Variants in ZNF701 observed in about 807,000 individuals in gnomAD.
The protein encoded by ZNF701 is zinc finger protein 701.
Under a neutral mutation model 7.1 loss-of-function variants are expected in ZNF701, and 6 were observed. That is an observed-to-expected ratio of 0.84 (90% CI 0.46 to 1.66). ZNF701 has a LOEUF of 1.66. Among genes scored for constraint, ZNF701 ranks in the 40% most tolerant of loss-of-function variants. ZNF701 has a pLI of 0.01. For missense variants in ZNF701, 541 were observed against 559.2 expected (o/e 0.97, Z 0.33); for synonymous variants, 166 against 188.2 (o/e 0.88, Z 0.97).
At chr19:52,589,670 G>A (rs185918770), downstream of ZNF701, among the ~76,000 whole-genome samples, 125 of 152,164 alleles carry the variant, frequency 8.2e-4, no homozygotes, top group Non-Finnish European at 1.1e-3. Context: ...AAGAGAGATG[G>A]TGTTTCACCA....
chr19:52,573,843 G>C (rs554001407), intron 1 of ZNF701, among the ~76,000 whole-genome samples: 11 of 152,338 alleles, frequency 7.2e-5, no homozygotes, highest in Admixed American at 2.6e-4. Context: ...TCAGGGCTGG[G>C]TCTGTGCCCT....
Position 52,583,896 on chromosome 19 carries a change from T to A in ZNF701, c.*439T>A, listed in dbSNP as rs111274688. 0.17 allele frequency: 71,147 copies of A among 427,766 alleles called. 6,457 individuals carry two copies. The highest frequency in any genetic ancestry group is 0.24 in the Middle Eastern group (660 of 2,750). 26.5% of individuals were successfully genotyped at this position (427,766 alleles called of 1,614,324 possible). On this transcript the variant is annotated 3_prime_UTR_variant, in exon 4 of 4. Coordinates refer to ENST00000391785, the MANE Select transcript of ZNF701 (RefSeq NM_018260.3). Reference sequence around the variant, plus strand: ...TACAAGTGTAATAAATGTGGCAAGTTTTTCAGACATCATTCATAACTTGCA... The same window carrying A: ...TACAAGTGTAATAAATGTGGCAAGTATTTCAGACATCATTCATAACTTGCA...
chr19:52,576,098 C>G, intron 3 of ZNF701, 77 bp downstream of exon 3: 1 of 1,606,086 alleles, frequency 6.2e-7, no homozygotes, highest in Admixed American at 1.7e-5. Context: ...CTCTTGGGAG[C>G]CACATCCTTG....
chr19:52,571,606 C>T (rs537763971), intron 1 of ZNF701, among the ~76,000 whole-genome samples: 25 of 152,094 alleles, frequency 1.6e-4, no homozygotes, highest in Non-Finnish European at 2.5e-4. Flanking sequence ...GTGATCCACC[C>T]GCCTCGACCT....
Position 52,586,629 on chromosome 19 carries a change from C to T in ZNF701, c.*3172C>T, listed in dbSNP as rs948644901. On this transcript the variant is annotated 3_prime_UTR_variant, in exon 4 of 4. Coordinates refer to ENST00000391785, the MANE Select transcript of ZNF701 (RefSeq NM_018260.3). ...CTGGCCATCACATGAAAATCAGCGA[C>T]TCTTCCTTCTTACAAAACTCGGAGC... 1.3e-5 allele frequency: 2 copies of T among 152,150 alleles called. No individual in the cohort carries two copies. Among genetic ancestry groups the T allele is most frequent in the Middle Eastern group, 3.2e-3 (1 of 316 alleles). The allele number at this position is 152,150 out of a possible 1,614,324, so 9.4% of individuals were successfully genotyped here. A position where few individuals can be genotyped will look rare whatever the true frequency, so the allele number is the denominator to read the frequency against.
chr19:52,588,372 G>C (rs2060023502), downstream of ZNF701: 1 of 154,680 alleles, frequency 6.5e-6, no homozygotes, highest in African/African-American at 2.4e-5. Flanking sequence ...TGTAATCCCA[G>C]CTACTTAAGA....
At chr19:52,597,100 A>G in the ZNF701 span, 1 of 1,083,074 alleles carries the variant, frequency 9.2e-7, no homozygotes, top group Non-Finnish European at 1.4e-6. Context: ...AAGTGTAATA[A>G]ATGTGGTAAA....
chr19:52,595,567 G>A, the ZNF701 span: 4 of 796,496 alleles, frequency 5.0e-6, no homozygotes, highest in African/African-American at 1.7e-5. Context: ...ACTGCACCTG[G>A]CCTACCATCT....
At chr19:52,581,910 A>G (rs1691330694) in intron 3 of ZNF701, among the ~76,000 whole-genome samples, 1 of 152,092 alleles carries the variant, frequency 6.6e-6, no homozygotes, top group African/African-American at 2.4e-5. Flanking sequence ...GCAAAGTGTG[A>G]TACACTTTAG....
the ZNF701 span, chr19:52,592,243 C>T: frequency 6.4e-7 from 1 of 1,569,050 alleles, no homozygotes; most frequent in South Asian, 1.1e-5. Context: ...GGAAAATATC[C>T]CTCCAGACAT....
chr19:52,597,371 T>A, the ZNF701 span: 1 of 538,458 alleles, frequency 1.9e-6, no homozygotes, highest in Non-Finnish European at 3.8e-6. Flanking sequence ...AGGTCTTCAG[T>A]CTGTGGGCAC....
At chr19:52,587,527 C>A (rs576281833), downstream of ZNF701, among the ~76,000 whole-genome samples, 79 of 152,274 alleles carry the variant, frequency 5.2e-4, no homozygotes, top group African/African-American at 1.9e-3. Flanking sequence ...TCTATGGAAA[C>A]CTTTGTGATC....
chr19:52,575,354 A>G (rs983458941), intron 2 of ZNF701, among the ~76,000 whole-genome samples: 9 of 126,438 alleles, frequency 7.1e-5, no homozygotes, highest in African/African-American at 2.5e-4. Context: ...ATACATATAT[A>G]CACACACACA....
chr19:52,585,755 C>T lies in ZNF701; in HGVS notation c.*2298C>T, dbSNP rs1435065646. On this transcript the variant is annotated 3_prime_UTR_variant, in exon 4 of 4. Transcript: ENST00000391785. ...CTGGATGAAGAATTTGGCCCTTGGC[C>T]AAGGAAATAACTGAGGTAAATTGGC... 1 of 135,736 alleles carries T rather than the reference C, an allele frequency of 7.4e-6. No individual in the cohort carries two copies. The highest frequency in any genetic ancestry group is 1.7e-5 in the Non-Finnish European group (1 of 58,162). 8.4% of individuals were successfully genotyped at this position (135,736 alleles called of 1,614,324 possible). A position where few individuals can be genotyped will look rare whatever the true frequency, so the allele number is the denominator to read the frequency against.
At position 52,584,456 on chromosome 19, in the gene ZNF701, C is replaced by G. The variant is rs2059996225; in HGVS notation, c.*999C>G. 6.5e-6 allele frequency: 1 copy of G among 152,874 alleles called. No homozygotes were observed. The highest frequency in any genetic ancestry group is 2.4e-5 in the African/African-American group (1 of 41,442). The allele number at this position is 152,874 out of a possible 1,614,324, so 9.5% of individuals were successfully genotyped here. A position where few individuals can be genotyped will look rare whatever the true frequency, so the allele number is the denominator to read the frequency against. ...GGCCAACAGACGTGAGTCACTTTTC[C>G]CAGCCTGCTTTTTGTTTCTTTAACA... On this transcript the variant is annotated 3_prime_UTR_variant, in exon 4 of 4. Transcript: ENST00000391785.
At chr19:52,580,380 G>A (rs59524734) in intron 3 of ZNF701, among the ~76,000 whole-genome samples, 105,708 of 151,790 alleles carry the variant, frequency 0.7, 37,040 homozygotes, top group Non-Finnish European at 0.73. Context: ...ACCCACCACC[G>A]TGCCCAGCTA....
At chr19:52,591,442 A>G (rs893780060), downstream of ZNF701, among the ~76,000 whole-genome samples, 5 of 152,116 alleles carry the variant, frequency 3.3e-5, no homozygotes, top group African/African-American at 9.7e-5. Flanking sequence ...TGGTTTCCCA[A>G]AGTGATGGGA....
rs184954911 is a variant in ZNF701, at chr19:52,578,827, G to A, written c.142+2806G>A. Among the ~76,000 whole-genome samples, 493 of 152,032 alleles carry A rather than the reference G, an allele frequency of 3.2e-3. 2 individuals carry two copies. The highest frequency in any genetic ancestry group is 5.4e-3 in the Admixed American group (82 of 15,270). On this transcript the variant is annotated intron_variant, in intron 3 of 3. Transcript: ENST00000391785. Reference sequence around the variant, plus strand: ...GGCTGGAGTGCAGTGGTGCGATCTCGGCTCACTGCAAGCTCCACCTCCCGG... The same window carrying A: ...GGCTGGAGTGCAGTGGTGCGATCTCAGCTCACTGCAAGCTCCACCTCCCGG...
At chr19:52,578,754 G>A (rs1170053505) in intron 3 of ZNF701, among the ~76,000 whole-genome samples, 2 of 152,116 alleles carry the variant, frequency 1.3e-5, no homozygotes, top group Non-Finnish European at 2.9e-5. Flanking sequence ...CTACGTTAGC[G>A]TCCATTTCTT....
Sources: gnomAD v4.1 joint callset for allele counts (sites outside exome capture counted in the v4.1 genomes callset) on GRCh38, gnomAD v4.1.1 for gene constraint, MANE v1.5 for transcripts, NCBI Gene and HGNC (gene_info 2026-07-23, HGNC 2026-07-21) for gene names.